MFSD11: variants seen among roughly 807,000 people sequenced by gnomAD.
MFSD11 encodes UNC93-like protein MFSD11.
Under a neutral mutation model 53.5 loss-of-function variants are expected in MFSD11, and 36 were observed. The observed-to-expected ratio is 0.67, with a 90% CI of 0.52 to 0.89. The LOEUF (loss-of-function observed/expected upper bound fraction) is 0.89, where lower values mean the gene tolerates loss of function less well. Among genes scored for constraint, MFSD11 ranks in the 40% least tolerant of loss-of-function variants. The pLI, the probability that MFSD11 is intolerant of heterozygous loss-of-function variation, is 0.00. For synonymous variants in MFSD11, 186 were observed against 184.9 expected, an observed-to-expected ratio of 1.01 and a Z score of -0.05; for missense variants, 530 against 543.9, an observed-to-expected ratio of 0.97 and a Z score of 0.25.
At chr17:76,775,271 G>C (rs1172864186) in intron 11 of MFSD11, 100 bp downstream of exon 11, 1 of 1,070,956 alleles carries the variant, frequency 9.3e-7, no homozygotes, top group Admixed American at 2.4e-5. Flanking sequence ...CAGAGAGCCT[G>C]GTGTCTCTCT....
At chr17:76,795,172 G>GTATTAGGTATTGTAAGTA in the MFSD11 span, among the ~76,000 whole-genome samples, 1 of 151,550 alleles carries the variant, frequency 6.6e-6, no homozygotes, top group Non-Finnish European at 1.5e-5. Context: ...CATTTACATT[G>GTATTAGGTATTGTAAGTA]TATTAGGTAT....
At chr17:76,753,605 C>G (rs2079269178) in intron 7 of MFSD11, among the ~76,000 whole-genome samples, 1 of 149,934 alleles carries the variant, frequency 6.7e-6, no homozygotes, top group Admixed American at 6.7e-5. Context: ...GGAGGATCAC[C>G]TGAGCCTGCG....
upstream of MFSD11, chr17:76,737,331 T>TGGGC (rs1029867005): frequency 2.8e-4 from 246 of 866,334 alleles, 4 homozygotes; most frequent in South Asian, 3.4e-3. Context: ...GAGTAACAAC[T>TGGGC]GGGCGGGCAG....
chr17:76,758,892 A>G (rs1381812250), intron 8 of MFSD11, among the ~76,000 whole-genome samples: 1 of 152,094 alleles, frequency 6.6e-6, no homozygotes, highest in Non-Finnish European at 1.5e-5. Context: ...GACTCCCTCA[A>G]TACTTAACTA....
chr17:76,767,395 T>C lies in MFSD11; in HGVS notation c.692T>C (p.Phe231Ser). The C allele has an allele frequency of 6.3e-7, 1 of 1,597,478 alleles. No individual in the cohort carries two copies. Among genetic ancestry groups the C allele is most frequent in the East Asian group, 2.2e-5 (1 of 44,672 alleles). The change falls in exon 9 of 13, where the codon TTT becomes TCT. Residue 231 changes from phenylalanine (F) to serine (S), a missense_variant. Coordinates refer to ENST00000685175, the MANE Select transcript of MFSD11 (RefSeq NM_001242532.5). ...ATTTTTGTGTTTACAGAAAAGTCTT[T>C]TAAGTTATGTGTCACCAAGGAGATG... ...TKAVDAFKKS[F>S]KLCVTKEMLL... is the part of the protein sequence containing the mutation.
intron 3 of MFSD11, 190 bp from the exon 4 acceptor site, chr17:76,741,779 C>T (rs2078106753): frequency 4.7e-6 from 2 of 428,470 alleles, no homozygotes; most frequent in African/African-American, 4.3e-5. Context: ...TGGAGTGAGA[C>T]CCTGTCTCAA....
In MFSD11 at chr17:76,741,035, C is replaced by G; in HGVS notation, c.231C>G (p.Leu77=). The part of the protein sequence containing the change: ...PSVVAIVGPQ[L]SMFASGLFYS... ...TGGTTGCCATTGTAGGACCTCAACT[C>G]TCTATGTTTGCCAGTGGTTTATTTT... The change falls in exon 3 of 13, where the codon CTC becomes CTG. Residue 77 remains leucine (L), a synonymous_variant. Transcript: ENST00000685175. 6 of 1,611,092 alleles carry G rather than the reference C, an allele frequency of 3.7e-6. No homozygotes were observed. The highest frequency in any genetic ancestry group is 4.2e-6 in the Non-Finnish European group (5 of 1,177,838).
intron 10 of MFSD11, among the ~76,000 whole-genome samples, chr17:76,771,984 G>A (rs913786717): frequency 6.6e-6 from 1 of 152,134 alleles, no homozygotes; most frequent in Non-Finnish European, 1.5e-5. Context: ...AATGGCGGGC[G>A]AAGCTTAGCC....
the MFSD11 span, among the ~76,000 whole-genome samples, chr17:76,802,760 T>G: frequency 6.6e-6 from 1 of 152,118 alleles, no homozygotes; most frequent in African/African-American, 2.4e-5. Flanking sequence ...GCACCTGTAA[T>G]CCCAGCTACC....
At chr17:76,751,815 C>G (rs1356414428) in intron 7 of MFSD11, among the ~76,000 whole-genome samples, 2 of 151,952 alleles carry the variant, frequency 1.3e-5, no homozygotes, top group African/African-American at 2.4e-5. Flanking sequence ...TTATTTAATT[C>G]CCATGGGTAA....
downstream of MFSD11, among the ~76,000 whole-genome samples, chr17:76,779,482 TATTA>T (rs1420733112): frequency 1.3e-5 from 2 of 151,862 alleles, no homozygotes; most frequent in Non-Finnish European, 2.9e-5. Flanking sequence ...AAAATTTATT[TATTA>T]TTTATTTATT....
chr17:76,742,680 AT>A (rs2078206485), intron 5 of MFSD11, among the ~76,000 whole-genome samples: 1 of 151,618 alleles, frequency 6.6e-6, no homozygotes, highest in Non-Finnish European at 1.5e-5. Context: ...TTTTTTTTGT[AT>A]TTTTAGTAGA....
upstream of MFSD11, chr17:76,737,546 G>T (rs962573174): frequency 7.5e-6 from 2 of 266,416 alleles, no homozygotes; most frequent in Non-Finnish European, 1.4e-5. Flanking sequence ...CGGAATTAGC[G>T]GGCAGTTGGA....
the MFSD11 span, among the ~76,000 whole-genome samples, chr17:76,794,084 C>T: frequency 1.3e-5 from 2 of 151,400 alleles, no homozygotes; most frequent in Non-Finnish European, 2.9e-5. Context: ...CACTTCTGAC[C>T]TCCAGAAGTG....
the MFSD11 span, among the ~76,000 whole-genome samples, chr17:76,793,976 G>A: frequency 3.3e-5 from 5 of 151,312 alleles, no homozygotes; most frequent in African/African-American, 1.2e-4. Flanking sequence ...CCACTAGGAG[G>A]TGGAAGAGGC....
At chr17:76,797,848 A>AT in the MFSD11 span, among the ~76,000 whole-genome samples, 1 of 151,668 alleles carries the variant, frequency 6.6e-6, no homozygotes, top group Non-Finnish European at 1.5e-5. Flanking sequence ...CCCAGCTCAT[A>AT]TTTGATAATT....
chr17:76,789,237 G>T, the MFSD11 span, among the ~76,000 whole-genome samples: 1 of 150,230 alleles, frequency 6.7e-6, no homozygotes, highest in Non-Finnish European at 1.5e-5. Flanking sequence ...AGATCCAAGT[G>T]CCCTGTTCAG....
intron 8 of MFSD11, among the ~76,000 whole-genome samples, chr17:76,756,252 A>C (rs1272261275): frequency 6.6e-6 from 1 of 151,292 alleles, no homozygotes; most frequent in Non-Finnish European, 1.5e-5. Flanking sequence ...CCTACTGAGT[A>C]ACTGGGACTA....
chr17:76,768,377 G>C (rs1054356466), intron 9 of MFSD11, among the ~76,000 whole-genome samples: 1 of 151,756 alleles, frequency 6.6e-6, no homozygotes, highest in Non-Finnish European at 1.5e-5. Flanking sequence ...TAGCAGGCGG[G>C]GTACCCTTAA....
Sources: allele counts gnomAD v4.1 joint callset (sites outside exome capture counted in the v4.1 genomes callset), GRCh38; gene constraint gnomAD v4.1.1; transcripts MANE v1.5; gene names NCBI Gene and HGNC (gene_info 2026-07-23, HGNC 2026-07-21).